Variants in RHOBTB2 observed in about 807,000 individuals in gnomAD.
The protein encoded by RHOBTB2 is rho-related BTB domain-containing protein 2.
A neutral mutation model predicts 66.5 loss-of-function variants in RHOBTB2; 39 were observed. The observed-to-expected ratio is 0.59, with a 90% CI of 0.45 to 0.77. The LOEUF (loss-of-function observed/expected upper bound fraction) is 0.77. RHOBTB2 is among the 30% of genes least tolerant of loss of function. The pLI is 0.00. For missense variants in RHOBTB2, 755 were observed against 999.1 expected (o/e 0.76, Z 3.29); for synonymous variants, 390 against 395.0 (o/e 0.99, Z 0.15).
the RHOBTB2 span, among the ~76,000 whole-genome samples, chr8:22,959,725 C>T: frequency 6.6e-6 from 1 of 152,234 alleles, no homozygotes; most frequent in Admixed American, 6.5e-5. Context: ...CCCAGCTCTG[C>T]TCTACCCCCT....
At position 23,006,490 on chromosome 8, in the gene RHOBTB2, T is replaced by C; in HGVS notation, c.483-238T>C. On this transcript the variant is annotated intron_variant, in intron 4 of 9. Coordinates refer to ENST00000251822, the MANE Select transcript of RHOBTB2 (RefSeq NM_015178.3). This position sits in a 1 kb window ranked among gnomAD's most constrained non-coding sequence, Gnocchi z 6.1. ...GCTAATTGCCAGAGAGGCAGTGCTG[T>C]CACGGCTTTGTACTGGGGAGGTCAC... 1.7e-6 allele frequency: 1 copy of C among 571,560 alleles called. No individual in the cohort carries two copies. The highest frequency in any genetic ancestry group is 3.1e-6 in the Non-Finnish European group (1 of 322,784). The allele number at this position is 571,560 out of a possible 1,614,324, so 35.4% of individuals were successfully genotyped here. A position where few individuals can be genotyped will look rare whatever the true frequency, so the allele number is the denominator to read the frequency against.
chr8:22,964,100 G>T, the RHOBTB2 span, among the ~76,000 whole-genome samples: 1 of 151,740 alleles, frequency 6.6e-6, no homozygotes, highest in Non-Finnish European at 1.5e-5. Flanking sequence ...TTTTGTTTTT[G>T]TTTTTTGTTT....
chr8:22,955,398 C>T, the RHOBTB2 span, among the ~76,000 whole-genome samples: 9 of 152,090 alleles, frequency 5.9e-5, no homozygotes, highest in South Asian at 8.3e-4. Context: ...CGAGGTTTAC[C>T]GAATGCCAAG....
chr8:22,998,383 G>C (rs1810637495), upstream of RHOBTB2, among the ~76,000 whole-genome samples: 1 of 152,146 alleles, frequency 6.6e-6, no homozygotes, highest in Non-Finnish European at 1.5e-5. Context: ...AAATTGTCCA[G>C]AGGTAACTGA....
chr8:22,988,237 G>A (rs1179144311), intron 1 of RHOBTB2, among the ~76,000 whole-genome samples: 1 of 140,986 alleles, frequency 7.1e-6, no homozygotes, highest in African/African-American at 2.6e-5. Flanking sequence ...TCGGCCCACT[G>A]CAAACTCCGC....
chr8:22,971,796 TCTTA>T, the RHOBTB2 span, among the ~76,000 whole-genome samples: 1 of 152,160 alleles, frequency 6.6e-6, no homozygotes, highest in Non-Finnish European at 1.5e-5. Context: ...GGATTCATCT[TCTTA>T]CTTTCTGCAG....
At chr8:22,957,960 T>A in the RHOBTB2 span, among the ~76,000 whole-genome samples, 1 of 152,170 alleles carries the variant, frequency 6.6e-6, no homozygotes, top group African/African-American at 2.4e-5. Context: ...ATGTGTTTAA[T>A]CCTAAACGGG....
At chr8:22,998,309 A>C (rs926106695), upstream of RHOBTB2, among the ~76,000 whole-genome samples, 11 of 152,342 alleles carry the variant, frequency 7.2e-5, no homozygotes, top group Non-Finnish European at 1.2e-4. Flanking sequence ...TTGCATTTTC[A>C]GAGCACAAGA....
Position 23,005,965 on chromosome 8 carries a change from A to G in RHOBTB2, c.302A>G (p.Asp101Gly). Residue 101 changes from aspartate (D) to glycine (G), a missense_variant, in exon 4 of 10, where the codon GAT (aspartate) becomes GGT (glycine). By Grantham distance (94) the Asp-to-Gly change is moderately conservative. Transcript: ENST00000251822. ...KDRRFAYGRS[D>G]VVVLCFSIAN... ...CCTTACTTTCCCACCCGCAGATCTGATGTGGTGGTTCTGTGCTTCTCCATT... is the reference window on the plus strand; with the variant it reads ...CCTTACTTTCCCACCCGCAGATCTGGTGTGGTGGTTCTGTGCTTCTCCATT... 1 of 1,611,646 alleles carries G rather than the reference A, an allele frequency of 6.2e-7. No individual in the cohort carries two copies. The highest frequency in any genetic ancestry group is 8.5e-7 in the Non-Finnish European group (1 of 1,178,066).
chr8:22,999,492 GCCCGCCCCCTC>G, upstream of RHOBTB2: 6 of 679,436 alleles, frequency 8.8e-6, no homozygotes, highest in Non-Finnish European at 1.1e-5. Context: ...TTCTTCCCCC[GCCCGCCCCCTC>G]CCCGCCCCCC....
At chr8:22,976,152 T>C in the RHOBTB2 span, among the ~76,000 whole-genome samples, 2 of 151,110 alleles carry the variant, frequency 1.3e-5, no homozygotes, top group Non-Finnish European at 3.0e-5. Context: ...TCTCAAAAAA[T>C]AAATAAATAA....
At chr8:22,961,483 T>G in the RHOBTB2 span, among the ~76,000 whole-genome samples, 1 of 152,068 alleles carries the variant, frequency 6.6e-6, no homozygotes, top group Non-Finnish European at 1.5e-5. Flanking sequence ...GCTGCCTGAC[T>G]CTCGAGCCCT....
rs142069460 is a variant in RHOBTB2, at chr8:23,015,505, G to A, written c.1861-133G>A. 1.2e-3 allele frequency: 726 copies of A among 616,342 alleles called. 5 individuals are homozygous for A. The highest frequency in any genetic ancestry group is 0.011 in the African/African-American group (591 of 53,788). The allele number at this position is 616,342 out of a possible 1,614,324, so 38.2% of individuals were successfully genotyped here. A position where few individuals can be genotyped will look rare whatever the true frequency, so the allele number is the denominator to read the frequency against. On this transcript the variant is annotated intron_variant, in intron 8 of 9. Transcript: ENST00000251822. ...AGTTTTGTGTGGCCTTGCCTCTGGC[G>A]CAGGCTCTCTAGAACTGCAGGGCCT...
intron 1 of RHOBTB2, among the ~76,000 whole-genome samples, chr8:22,988,192 C>T (rs193017247): frequency 7.9e-6 from 1 of 127,170 alleles, no homozygotes; most frequent in South Asian, 2.8e-4. Flanking sequence ...TGGAGTCTCA[C>T]TCTGTCACCC....
the RHOBTB2 span, among the ~76,000 whole-genome samples, chr8:22,967,249 G>C: frequency 6.6e-6 from 1 of 152,184 alleles, no homozygotes; most frequent in African/African-American, 2.4e-5. Flanking sequence ...AGAAAATTCA[G>C]ACATGCTGCA....
Position 23,007,287 on chromosome 8 carries a change from T to A in RHOBTB2, c.1042T>A (p.Cys348Ser). The A allele has an allele frequency of 6.2e-7, 1 of 1,613,678 alleles. No homozygotes were observed. The highest frequency in any genetic ancestry group is 8.5e-7 in the Non-Finnish European group (1 of 1,179,988). Reference protein sequence around the residue: ...FLLRAASFDVCESVDEAGGSG... With the variant: ...FLLRAASFDVSESVDEAGGSG... ...GCTCCGAGCAGCCAGCTTTGACGTGTGCGAGAGCGTGGATGAGGCTGGGGG... is the reference window on the plus strand; with the variant it reads ...GCTCCGAGCAGCCAGCTTTGACGTGAGCGAGAGCGTGGATGAGGCTGGGGG... The change falls in exon 5 of 10, where the codon TGC becomes AGC. Residue 348 changes from cysteine (C) to serine (S), a missense_variant. Around this residue, in one of 7 missense-constraint regions of RHOBTB2, gnomAD observed 247 missense variants for 238.9 expected, o/e 1.03. Coordinates refer to ENST00000251822, the MANE Select transcript of RHOBTB2 (RefSeq NM_015178.3).
chr8:22,969,343 G>T, the RHOBTB2 span, among the ~76,000 whole-genome samples: 1 of 152,074 alleles, frequency 6.6e-6, no homozygotes, highest in Non-Finnish European at 1.5e-5. Context: ...ATGAGATTTG[G>T]GTGGAGACAC....
chr8:22,985,801 C>T (rs1162815882), upstream of RHOBTB2, among the ~76,000 whole-genome samples: 1 of 152,180 alleles, frequency 6.6e-6, no homozygotes, highest in East Asian at 1.9e-4. Context: ...GCCAGCCGTT[C>T]CTCTGCCTGG....
chr8:23,015,612 C>A, intron 8 of RHOBTB2, 26 bp from the exon 9 acceptor site: 1 of 1,529,406 alleles, frequency 6.5e-7, no homozygotes, highest in Non-Finnish European at 9.1e-7. Context: ...GATTTCAGTA[C>A]AGACGTTCTT....
Sources: gnomAD v4.1 joint callset for allele counts (sites outside exome capture counted in the v4.1 genomes callset) on GRCh38, gnomAD v4.1.1 for gene constraint, gnomAD v4.1.1 regional missense constraint, Gnocchi (gnomAD v3.1) non-coding constraint, MANE v1.5 for transcripts, NCBI Gene and HGNC (gene_info 2026-07-23, HGNC 2026-07-21) for gene names.